The following RPS19 variants were observed in gnomAD, a reference collection of about 807,000 sequenced individuals.
RPS19 encodes the protein ribosomal protein S19, also known as small ribosomal subunit protein eS19.
A neutral mutation model predicts 20.3 loss-of-function variants in RPS19; 1 was observed. The ratio of observed to expected loss-of-function variants is 0.05; its 90% CI spans 0.02 to 0.23. The LOEUF (loss-of-function observed/expected upper bound fraction) is 0.23, where lower values mean the gene tolerates loss of function less well. RPS19 is among the 10% of genes least tolerant of loss of function. The pLI is 1.00. For synonymous variants in RPS19, 87 were observed against 74.8 expected (o/e 1.16, Z -0.84); for missense variants, 111 against 192.7 (o/e 0.58, Z 2.51).
chr19:41,866,412 G>A (rs985914230), intron 3 of RPS19, among the ~76,000 whole-genome samples: 1 of 152,236 alleles, frequency 6.6e-6, no homozygotes, highest in Non-Finnish European at 1.5e-5. Flanking sequence ...ATTTGAGCTG[G>A]TCTGAAAGGG....
chr19:41,871,393 G>A lies in RPS19; in HGVS notation c.*16G>A, dbSNP rs2074148040. The A allele has an allele frequency of 1.2e-6, 2 of 1,611,940 alleles. No homozygotes were observed. Among genetic ancestry groups the A allele is most frequent in the South Asian group, 1.1e-5 (1 of 91,058 alleles). On this transcript the variant is annotated 3_prime_UTR_variant, in exon 6 of 6. Transcript: ENST00000598742. ...GAAGCATTAGAACAAACCATGCTGG[G>A]TTAATAAATTGCCTCATTCGTAATC...
rs782717384 is a variant in RPS19 at position 41,869,015 on chromosome 19, C to G, written c.173-16C>G. Reference sequence around the variant, plus strand: ...TTGATCAAGACCCTTAAATCTCCCTCTCACACTACCCCCAGCTTCCACAGC... The same window carrying G: ...TTGATCAAGACCCTTAAATCTCCCTGTCACACTACCCCCAGCTTCCACAGC... On this transcript the variant is annotated splice_polypyrimidine_tract_variant and intron_variant, in intron 3 of 5. Coordinates refer to ENST00000598742, the MANE Select transcript of RPS19 (RefSeq NM_001022.4). 7 of 1,613,152 alleles carry G rather than the reference C, an allele frequency of 4.3e-6. No individual in the cohort carries two copies. Among genetic ancestry groups the G allele is most frequent in the Non-Finnish European group, 5.9e-6 (7 of 1,179,670 alleles).
rs1336616902 is a variant in RPS19 at position 41,871,666 on chromosome 19, T to A, written c.*289T>A. On this transcript the variant is annotated 3_prime_UTR_variant, in exon 6 of 6. Coordinates refer to ENST00000598742, the MANE Select transcript of RPS19 (RefSeq NM_001022.4). Reference sequence around the variant, plus strand: ...CTTGGGTGAGGGGGCCCAGGGTGATTGGGTGGCTGTTTACCCGGCAGCCAG... The same window carrying A: ...CTTGGGTGAGGGGGCCCAGGGTGATAGGGTGGCTGTTTACCCGGCAGCCAG... The A allele has an allele frequency of 7.1e-6, 3 of 423,244 alleles. No individual in the cohort carries two copies. Among genetic ancestry groups the A allele is most frequent in the Non-Finnish European group, 1.3e-5 (3 of 230,376 alleles). The allele number at this position is 423,244 out of a possible 1,614,324, so 26.2% of individuals were successfully genotyped here. A position where few individuals can be genotyped will look rare whatever the true frequency, so the allele number is the denominator to read the frequency against.
In RPS19 at chr19:41,860,588, G is replaced by A. The variant is rs1293975579; in HGVS notation, c.1-187G>A. On this transcript the variant is annotated intron_variant, in intron 1 of 5. Transcript: ENST00000598742. ...GGGCTCTGTTAGTGCGATCCAGAGA[G>A]GCCGTGGGCGTCGGTGAGCTCCTTC... 1.5e-5 allele frequency: 10 copies of A among 685,004 alleles called. No individual in the cohort carries two copies. The East Asian group carries it at 2.1e-4, about 14-fold the overall frequency. The allele number at this position is 685,004 out of a possible 1,614,324, so 42.4% of individuals were successfully genotyped here. A position where few individuals can be genotyped will look rare whatever the true frequency, so the allele number is the denominator to read the frequency against.
chr19:41,862,942 G>T (rs1568790636), intron 3 of RPS19, among the ~76,000 whole-genome samples: 1 of 152,218 alleles, frequency 6.6e-6, no homozygotes, highest in African/African-American at 2.4e-5. Context: ...AGCCACCCCT[G>T]TGTATCTACA....
At chr19:41,861,305 C>A in intron 3 of RPS19, 93 bp downstream of exon 3, 3 of 908,168 alleles carry the variant, frequency 3.3e-6, no homozygotes, top group Non-Finnish European at 5.4e-6. Flanking sequence ...TCTTTCCCGC[C>A]CCAAGAGGGA....
intron 1 of RPS19, 163 bp downstream of exon 1, chr19:41,860,452 G>A (rs1046303718): frequency 1.0e-5 from 4 of 389,928 alleles, no homozygotes; most frequent in Non-Finnish European, 1.9e-5. Context: ...CCCGGTCAGC[G>A]CCGTCCGGGA....
intron 3 of RPS19, among the ~76,000 whole-genome samples, chr19:41,866,968 G>A (rs1477991715): frequency 2.6e-5 from 4 of 151,788 alleles, no homozygotes; most frequent in African/African-American, 9.7e-5. Context: ...AGTGAACCGA[G>A]ATTGCGCCAC....
chr19:41,865,713 C>T (rs2074078626), intron 3 of RPS19, among the ~76,000 whole-genome samples: 1 of 151,882 alleles, frequency 6.6e-6, no homozygotes, highest in African/African-American at 2.4e-5. Context: ...CTTTCGGAGG[C>T]CGAGGCGGGC....
intron 5 of RPS19, among the ~76,000 whole-genome samples, chr19:41,870,847 TC>T (rs34048192): frequency 0.031 from 2,416 of 77,514 alleles, 403 homozygotes; most frequent in Non-Finnish European, 0.045. Flanking sequence ...GCCACTCCCT[TC>T]CTTTTTTTTT....
In RPS19 at chr19:41,870,848, C is replaced by CTTTT. The variant is rs2074139987; in HGVS notation, c.412-503_412-502insTTTT. Among the ~76,000 whole-genome samples, 85 of 85,802 alleles carry CTTTT rather than the reference C, an allele frequency of 9.9e-4. 15 individuals carry two copies. Among genetic ancestry groups the CTTTT allele is most frequent in the East Asian group, 2.8e-3 (7 of 2,494 alleles). The allele number at this position is 85,802 out of a possible 152,430, so 56.3% of individuals were successfully genotyped here. A position where few individuals can be genotyped will look rare whatever the true frequency, so the allele number is the denominator to read the frequency against. ...TTGGACTCCACTCCGCCACTCCCTT[C>CTTTT]CTTTTTTTTTTTTTTTTTTTTTTTT... On this transcript the variant is annotated intron_variant, in intron 5 of 5. Coordinates refer to ENST00000598742, the MANE Select transcript of RPS19 (RefSeq NM_001022.4).
At chr19:41,870,614 T>C (rs376381127) in intron 5 of RPS19, among the ~76,000 whole-genome samples, 2 of 152,114 alleles carry the variant, frequency 1.3e-5, no homozygotes, top group South Asian at 4.1e-4. Context: ...GGGCCTGGCA[T>C]GAGCTCAATT....
At position 41,871,860 on chromosome 19, in the gene RPS19, C is replaced by T. The variant is rs571588198; in HGVS notation, c.*483C>T. On this transcript the variant is annotated 3_prime_UTR_variant, in exon 6 of 6. Coordinates refer to ENST00000598742, the MANE Select transcript of RPS19 (RefSeq NM_001022.4). ...GGGCCTGGGCTGCAGAGGTGGCTTC[C>T]GCTGGAGTAAAGCAAGAGGGCCCAG... The T allele has an allele frequency of 2.2e-5, 4 of 183,152 alleles. No individual in the cohort carries two copies. The highest frequency in any genetic ancestry group is 2.0e-4 in the South Asian group (2 of 9,864). The allele number at this position is 183,152 out of a possible 1,614,324, so 11.3% of individuals were successfully genotyped here. A position where few individuals can be genotyped will look rare whatever the true frequency, so the allele number is the denominator to read the frequency against.
chr19:41,867,936 G>A (rs113447318), intron 3 of RPS19, among the ~76,000 whole-genome samples: 269 of 152,314 alleles, frequency 1.8e-3, no homozygotes, highest in African/African-American at 6.2e-3. Context: ...AGGGCTGGCT[G>A]TATCTGGACC....
At chr19:41,862,711 C>T (rs2074045006) in intron 3 of RPS19, among the ~76,000 whole-genome samples, 1 of 151,206 alleles carries the variant, frequency 6.6e-6, no homozygotes, top group African/African-American at 2.4e-5. Context: ...AACCTAGTTG[C>T]ATCTGCTGGT....
intron 3 of RPS19, 94 bp downstream of exon 3, chr19:41,861,306 C>T (rs969381339): frequency 3.3e-6 from 3 of 901,640 alleles, no homozygotes; most frequent in Non-Finnish European, 5.4e-6. Flanking sequence ...CTTTCCCGCC[C>T]CAAGAGGGAG....
chr19:41,863,403 G>A (rs565913496), intron 3 of RPS19, among the ~76,000 whole-genome samples: 5 of 152,162 alleles, frequency 3.3e-5, no homozygotes, highest in Admixed American at 6.5e-5. Flanking sequence ...GCAGACGGGC[G>A]AAGGGACTTG....
chr19:41,871,722 C>A lies in RPS19; in HGVS notation c.*345C>A. ...CCTTCCCAGGTCAAACAGTTCCCATCTGGGTTTGGAGGAAGGACCCAGGGG... is the reference window on the plus strand; with the variant it reads ...CCTTCCCAGGTCAAACAGTTCCCATATGGGTTTGGAGGAAGGACCCAGGGG... On this transcript the variant is annotated 3_prime_UTR_variant, in exon 6 of 6. Coordinates refer to ENST00000598742, the MANE Select transcript of RPS19 (RefSeq NM_001022.4). 3.0e-6 allele frequency: 1 copy of A among 331,892 alleles called. No individual in the cohort carries two copies. The allele number at this position is 331,892 out of a possible 1,614,324, so 20.6% of individuals were successfully genotyped here.
In RPS19 at chr19:41,869,163, G is replaced by A. The variant is rs782345448; in HGVS notation, c.305G>A (p.Arg102Gln). The change falls in exon 4 of 6, where the codon CGG becomes CAG. Residue 102 changes from arginine (R) to glutamine (Q), a missense_variant. By Grantham distance (43) the Arg-to-Gln change is conservative. Coordinates refer to ENST00000598742, the MANE Select transcript of RPS19 (RefSeq NM_001022.4). ...FSRGSKSVAR[R>Q]VLQALEGLKM... ...CGAGGCTCCAAGAGTGTGGCCCGCCGGGTCCTCCAAGCCCTGGAGGGGCTG... is the reference window on the plus strand; with the variant it reads ...CGAGGCTCCAAGAGTGTGGCCCGCCAGGTCCTCCAAGCCCTGGAGGGGCTG... 2.5e-6 allele frequency: 4 copies of A among 1,613,864 alleles called. No individual in the cohort carries two copies. The highest frequency in any genetic ancestry group is 3.3e-5 in the Admixed American group (2 of 59,998).
Sources: allele counts gnomAD v4.1 joint callset (sites outside exome capture counted in the v4.1 genomes callset), GRCh38; gene constraint gnomAD v4.1.1; transcripts MANE v1.5; gene names NCBI Gene and HGNC (gene_info 2026-07-23, HGNC 2026-07-21).